Variants in DNAH8 observed in about 807,000 individuals in gnomAD.
The protein encoded by DNAH8 is axonemal beta dynein heavy chain 8.
DNAH8 carries 382 observed loss-of-function variants against 562.1 expected under a neutral mutation model. The ratio of observed to expected loss-of-function variants is 0.68; its 90% confidence interval spans 0.63 to 0.74. The LOEUF is 0.74. Ranked by LOEUF, DNAH8 falls within the 30% of genes least tolerant of loss-of-function variation. The pLI, the probability that DNAH8 is intolerant of heterozygous loss-of-function variation, is 0.00. For synonymous variants in DNAH8, 1,881 were observed against 1,919.4 expected (o/e 0.98, Z 0.52); for missense variants, 5,203 against 5,620.4 (o/e 0.93, Z 2.37).
intron 13 of DNAH8, 130 bp downstream of exon 13, chr6:38,776,081 G>C: frequency 1.5e-6 from 1 of 658,924 alleles, no homozygotes; most frequent in Non-Finnish European, 2.6e-6. Flanking sequence ...CTTTCACATT[G>C]ACCAAACATA....
chr6:38,864,047 T>C lies in DNAH8; in HGVS notation c.6485T>C (p.Ile2162Thr). ...DCVDLNPEFGIFLTMNPGYAG... is the reference protein window; with the variant it reads ...DCVDLNPEFGTFLTMNPGYAG... Reference sequence around the variant, plus strand: ...GTTGATTTAAATCCAGAATTTGGAATCTTCTTAACGATGGTGAGAAAAAAG... The same window carrying C: ...GTTGATTTAAATCCAGAATTTGGAACCTTCTTAACGATGGTGAGAAAAAAG... Residue 2162 changes from isoleucine to threonine, a missense_variant, in exon 45 of 93, where the codon ATC (isoleucine) becomes ACC (threonine). Transcript: ENST00000327475. The C allele has an allele frequency of 6.2e-7, 1 of 1,608,040 alleles. No homozygotes were observed. The highest frequency in any genetic ancestry group is 8.5e-7 in the Non-Finnish European group (1 of 1,178,708).
intron 21 of DNAH8, among the ~76,000 whole-genome samples, chr6:38,798,655 T>C (rs1420039557): frequency 2.0e-5 from 3 of 152,236 alleles, no homozygotes; most frequent in Non-Finnish European, 4.4e-5. Context: ...CCCTTGGTAT[T>C]GATGGCAGTG....
Position 38,851,113 on chromosome 6 carries a change from A to G in DNAH8, c.5364-459A>G, listed in dbSNP as rs555715801. Among the ~76,000 whole-genome samples the G allele has an allele frequency of 9.7e-4, 147 of 152,300 alleles. 1 individual carries two copies. Among genetic ancestry groups the G allele is most frequent in the South Asian group, 1.5e-3 (7 of 4,818 alleles). On this transcript the variant is annotated intron_variant, in intron 38 of 92. Transcript: ENST00000327475. ...TGTCACAAGAGGATGGTGTCAGGAT[A>G]ATTTTTTTAAGGCAGTTCATTTTCA... is the stretch of plus-strand genomic sequence containing the variant.
At chr6:38,898,647 G>A (rs1410655296) in intron 61 of DNAH8, among the ~76,000 whole-genome samples, 1 of 152,184 alleles carries the variant, frequency 6.6e-6, no homozygotes, top group Non-Finnish European at 1.5e-5. Flanking sequence ...CAACAAGAAA[G>A]TATGGAGAAC....
chr6:38,938,925 A>T lies in DNAH8; in HGVS notation c.11944A>T (p.Thr3982Ser), dbSNP rs2150595373. ...NHKFLFVLLM[T>S]LKIDLQRGTV... Reference sequence around the variant, plus strand: ...CAAATTCCTGTTTGTACTCCTCATGACCTTAAAGATTGACCTTCAGAGAGG... The same window carrying T: ...CAAATTCCTGTTTGTACTCCTCATGTCCTTAAAGATTGACCTTCAGAGAGG... Residue 3982 changes from threonine to serine, a missense_variant, in exon 79 of 93, where the codon ACC becomes TCC. Coordinates refer to ENST00000327475, the MANE Select transcript of DNAH8 (RefSeq NM_001206927.2). 2 of 1,613,984 alleles carry T rather than the reference A, an allele frequency of 1.2e-6. No homozygotes were observed. Among genetic ancestry groups the T allele is most frequent in the East Asian group, 2.2e-5 (1 of 44,860 alleles).
At chr6:38,925,765 G>A (rs968208988) in intron 73 of DNAH8, among the ~76,000 whole-genome samples, 1 of 152,062 alleles carries the variant, frequency 6.6e-6, no homozygotes, top group Non-Finnish European at 1.5e-5. Context: ...GGTTTAATAT[G>A]CAATCAACTT....
At chr6:38,730,363 G>T (rs1763569591) in intron 4 of DNAH8, among the ~76,000 whole-genome samples, 1 of 152,220 alleles carries the variant, frequency 6.6e-6, no homozygotes, top group African/African-American at 2.4e-5. Context: ...AGCATCTTGT[G>T]CCTGCTGCAG....
chr6:38,855,545 G>T (rs1263960963), intron 41 of DNAH8, among the ~76,000 whole-genome samples: 1 of 151,700 alleles, frequency 6.6e-6, no homozygotes, highest in African/African-American at 2.4e-5. Flanking sequence ...CATATTTATG[G>T]GGTGCATAGT....
In DNAH8 at chr6:38,898,244, C is replaced by T. The variant is rs1388073715; in HGVS notation, c.8941-14C>T. 2 of 1,571,536 alleles carry T rather than the reference C, an allele frequency of 1.3e-6. No individual in the cohort carries two copies. Among genetic ancestry groups the T allele is most frequent in the East Asian group, 2.3e-5 (1 of 42,642 alleles). On this transcript the variant is annotated splice_polypyrimidine_tract_variant and intron_variant, in intron 60 of 92. Transcript: ENST00000327475. ...TCTTAAATATTATTTTTTTATCTTT[C>T]TCTCCACCCATAGATGCCATCCTTT...
intron 82 of DNAH8, among the ~76,000 whole-genome samples, chr6:38,959,378 G>T (rs1234014873): frequency 6.6e-6 from 1 of 152,012 alleles, no homozygotes; most frequent in African/African-American, 2.4e-5. Flanking sequence ...AAACCCTACA[G>T]ATGCCACCAA....
At position 38,911,352 on chromosome 6, in the gene DNAH8, G is replaced by A. The variant is rs189994232; in HGVS notation, c.9741-116G>A. On this transcript the variant is annotated intron_variant, in intron 65 of 92. Transcript: ENST00000327475. ...CTCTGAGAAACCTTGCTCAAGTCCT[G>A]TCTTCCTGCTAGTGAATCACTCTAC... is the stretch of plus-strand genomic sequence containing the variant. 87 of 813,308 alleles carry A rather than the reference G, an allele frequency of 1.1e-4. No homozygotes were observed. The African/African-American group carries it at 1.2e-3, about 11-fold the overall frequency. 50.4% of individuals were successfully genotyped at this position (813,308 alleles called of 1,614,324 possible).
At chr6:38,930,782 G>A (rs771095270) in intron 75 of DNAH8, among the ~76,000 whole-genome samples, 4 of 152,072 alleles carry the variant, frequency 2.6e-5, no homozygotes, top group South Asian at 2.1e-4. Context: ...ATACATATAC[G>A]TTGTATAATG....
At chr6:38,791,415 C>A in intron 20 of DNAH8, 140 bp from the exon 21 acceptor site, 2 of 1,070,598 alleles carry the variant, frequency 1.9e-6, no homozygotes, top group Non-Finnish European at 2.6e-6. Context: ...CTAAAATGTT[C>A]ACCAAATTAT....
intron 82 of DNAH8, among the ~76,000 whole-genome samples, chr6:38,958,833 CAAAG>C (rs1236219351): frequency 1.3e-5 from 2 of 151,952 alleles, no homozygotes; most frequent in Admixed American, 1.3e-4. Flanking sequence ...AAGGACACAA[CAAAG>C]AAAGAAAACT....
intron 11 of DNAH8, among the ~76,000 whole-genome samples, chr6:38,764,917 C>T (rs1766860348): frequency 6.6e-6 from 1 of 152,170 alleles, no homozygotes; most frequent in Admixed American, 6.5e-5. Context: ...TCACTGCAAC[C>T]TCTGCCTCCC....
intron 8 of DNAH8, among the ~76,000 whole-genome samples, chr6:38,745,714 A>T (rs1186467324): frequency 6.6e-6 from 1 of 152,150 alleles, no homozygotes; most frequent in Non-Finnish European, 1.5e-5. Flanking sequence ...AGCCTCCTCC[A>T]ATGGAACAGT....
intron 60 of DNAH8, among the ~76,000 whole-genome samples, chr6:38,897,306 G>A (rs1381837333): frequency 6.6e-6 from 1 of 152,104 alleles, no homozygotes; most frequent in Non-Finnish European, 1.5e-5. Context: ...TTAAATATTG[G>A]CCATAGCTGC....
chr6:38,783,166 C>G (rs1422867116), intron 17 of DNAH8, 27 bp downstream of exon 17: 3 of 1,607,650 alleles, frequency 1.9e-6, no homozygotes, highest in Non-Finnish European at 2.5e-6. Flanking sequence ...CATGAGCCTA[C>G]AAAGTAGGGA....
rs565258019 is a variant in DNAH8, at chr6:38,805,445, C to A, written c.3035-36C>A. On this transcript the variant is annotated intron_variant, in intron 22 of 92. Coordinates refer to ENST00000327475, the MANE Select transcript of DNAH8 (RefSeq NM_001206927.2). ...TAGAATACAGACAATGCTAAAAAGT[C>A]AAATGTTATATTTTTGTTTTGTCTT... The A allele has an allele frequency of 3.8e-4, 517 of 1,350,920 alleles. 13 individuals are homozygous for A. The South Asian group carries it at 5.7e-3, about 15-fold the overall frequency. The allele number at this position is 1,350,920 out of a possible 1,614,324, so 83.7% of individuals were successfully genotyped here. A position where few individuals can be genotyped will look rare whatever the true frequency, so the allele number is the denominator to read the frequency against.
Sources: allele counts gnomAD v4.1 joint callset (sites outside exome capture counted in the v4.1 genomes callset), GRCh38; gene constraint gnomAD v4.1.1; transcripts MANE v1.5; gene names NCBI Gene and HGNC (gene_info 2026-07-23, HGNC 2026-07-21).